Variants in ATP9B observed in about 807,000 individuals in gnomAD.
ATP9B encodes the protein probable phospholipid-transporting ATPase IIB.
ATP9B carries 110 observed loss-of-function variants against 146.1 expected under a neutral mutation model. The ratio of observed to expected loss-of-function variants is 0.75; its 90% CI spans 0.65 to 0.88. ATP9B has a LOEUF of 0.88. Ranked by LOEUF, ATP9B falls within the 40% of genes least tolerant of loss-of-function variation. The probability of loss-of-function intolerance (pLI) is 0.00; values close to 1 mark genes in which losing one functional copy is unlikely to be tolerated. For synonymous variants in ATP9B, 604 were observed against 569.7 expected, an observed-to-expected ratio of 1.06 and a Z score of -0.86; for missense variants, 1,499 against 1,496.4, an observed-to-expected ratio of 1.00 and a Z score of -0.03.
chr18:79,172,962 C>T (rs1051353511), intron 7 of ATP9B, among the ~76,000 whole-genome samples: 1 of 152,160 alleles, frequency 6.6e-6, no homozygotes, highest in Non-Finnish European at 1.5e-5. Context: ...AACTCTTTTC[C>T]AGAGTTACAG....
rs367871134 is a variant in ATP9B, at chr18:79,071,055, T to TC, written c.119+1526_119+1527insC. The stretch of plus-strand genomic sequence containing the variant: ...CTCATTCTGATTCCTGTTTCTTTTT[T>TC]TTTTTTTTTTTGCCACTTTTTGGGT... On this transcript the variant is annotated intron_variant, in intron 1 of 29. Transcript: ENST00000426216. Among the ~76,000 whole-genome samples, 612 of 150,080 alleles carry TC rather than the reference T, an allele frequency of 4.1e-3. 4 individuals are homozygous for TC. Among genetic ancestry groups the TC allele is most frequent in the South Asian group, 0.021 (98 of 4,742 alleles).
At chr18:79,114,464 A>G (rs2094030161) in intron 4 of ATP9B, among the ~76,000 whole-genome samples, 1 of 152,088 alleles carries the variant, frequency 6.6e-6, no homozygotes, top group Non-Finnish European at 1.5e-5. Flanking sequence ...CGTCTCCCTA[A>G]CCAGAGAACT....
intron 11 of ATP9B, among the ~76,000 whole-genome samples, chr18:79,249,907 T>G (rs187529358): frequency 6.6e-6 from 1 of 152,372 alleles, no homozygotes; most frequent in Admixed American, 6.5e-5. Context: ...TTACAAGTTA[T>G]ATTCCAGGAA....
intron 23 of ATP9B, among the ~76,000 whole-genome samples, chr18:79,346,144 A>T (rs1444739169): frequency 6.6e-6 from 1 of 150,388 alleles, no homozygotes; most frequent in Non-Finnish European, 1.5e-5. Flanking sequence ...CACAGTCAGC[A>T]CACACTCAGC....
At chr18:79,269,815 A>G (rs2096238429) in intron 12 of ATP9B, among the ~76,000 whole-genome samples, 1 of 152,214 alleles carries the variant, frequency 6.6e-6, no homozygotes, top group South Asian at 2.1e-4. Context: ...TGTTCAGGAA[A>G]TGTGAACCTG....
intron 5 of ATP9B, among the ~76,000 whole-genome samples, chr18:79,139,132 T>C (rs1355382578): frequency 6.6e-6 from 1 of 152,226 alleles, no homozygotes; most frequent in Non-Finnish European, 1.5e-5. Context: ...ATTTTTATCC[T>C]TAGTTGCTAG....
intron 6 of ATP9B, among the ~76,000 whole-genome samples, chr18:79,153,623 C>G (rs1236033974): frequency 6.6e-6 from 1 of 150,626 alleles, no homozygotes; most frequent in African/African-American, 2.5e-5. Context: ...ACAGAAATGG[C>G]AATATTTAAC....
At chr18:79,337,711 C>T (rs760243710) in intron 19 of ATP9B, among the ~76,000 whole-genome samples, 1 of 152,210 alleles carries the variant, frequency 6.6e-6, no homozygotes, top group Non-Finnish European at 1.5e-5. Flanking sequence ...AAAGAGGAGT[C>T]CTGGTCCCAG....
chr18:79,069,459 G>A lies in ATP9B; in HGVS notation c.49G>A (p.Ala17Thr). ...LYPVRSAAAA[A>T]ANRKRAAYYS... is the part of the protein sequence containing the mutation. ...CCCGGTGCGTAGCGCAGCGGCGGCC[G>A]CAGCCAACCGCAAACGCGCGGCCTA... The change falls in exon 1 of 30, where the codon GCA (alanine) becomes ACA (threonine). Residue 17 changes from alanine to threonine, a missense_variant. Transcript: ENST00000426216. 2.7e-6 allele frequency: 4 copies of A among 1,507,334 alleles called. No individual in the cohort carries two copies. Among genetic ancestry groups the A allele is most frequent in the East Asian group, 2.9e-5 (1 of 34,994 alleles). 93.4% of individuals were successfully genotyped at this position (1,507,334 alleles called of 1,614,324 possible).
intron 7 of ATP9B, among the ~76,000 whole-genome samples, chr18:79,168,931 T>G (rs1461200283): frequency 6.6e-6 from 1 of 152,070 alleles, no homozygotes; most frequent in African/African-American, 2.4e-5. Context: ...CCTGTCCTTC[T>G]CTCTTCTCCT....
Position 79,131,008 on chromosome 18 carries a change from A to C in ATP9B, c.667+4633A>C, listed in dbSNP as rs147354349. Among the ~76,000 whole-genome samples the C allele has an allele frequency of 6.4e-3, 973 of 152,274 alleles. 10 individuals are homozygous for C. The highest frequency in any genetic ancestry group is 0.022 in the African/African-American group (933 of 41,542). On this transcript the variant is annotated intron_variant, in intron 5 of 29. Transcript: ENST00000426216. ...AAACCCTGTCTCTACTAAAAATACA[A>C]AAATGAGCTGGGCATGGTGGCATGC...
chr18:79,310,681 C>G (rs1489133107), intron 15 of ATP9B, among the ~76,000 whole-genome samples: 1 of 152,174 alleles, frequency 6.6e-6, no homozygotes, highest in East Asian at 1.9e-4. Flanking sequence ...GAAGGCACTT[C>G]TCATGTCTGT....
rs748722890 is a variant in ATP9B at position 79,373,864 on chromosome 18, C to G, written c.3071-34C>G. 3.1e-6 allele frequency: 5 copies of G among 1,609,722 alleles called. No individual in the cohort carries two copies. In the South Asian group the frequency reaches 3.3e-5, roughly 11 times the overall value. Reference sequence around the variant, plus strand: ...TCCTCTAGCTGGCTTACACCCTGCTCGTGTGCATGGAAAAAGCTCCTGCTG... The same window carrying G: ...TCCTCTAGCTGGCTTACACCCTGCTGGTGTGCATGGAAAAAGCTCCTGCTG... On this transcript the variant is annotated intron_variant, in intron 27 of 29. Coordinates refer to ENST00000426216, the MANE Select transcript of ATP9B (RefSeq NM_198531.5).
At chr18:79,163,910 GGAGACA>G (rs1180886334) in intron 7 of ATP9B, among the ~76,000 whole-genome samples, 2 of 108,060 alleles carry the variant, frequency 1.9e-5, no homozygotes, top group African/African-American at 7.8e-5. Flanking sequence ...ACACACAGGG[GGAGACA>G]GAGACAGACA....
At chr18:79,371,627 G>A (rs1288412321) in intron 26 of ATP9B, among the ~76,000 whole-genome samples, 6 of 152,194 alleles carry the variant, frequency 3.9e-5, no homozygotes, top group Middle Eastern at 3.2e-3. Context: ...TCCAGCGTCC[G>A]TGCCTCTGTT....
intron 2 of ATP9B, 151 bp downstream of exon 2, chr18:79,096,800 C>T (rs1310616602): frequency 4.4e-6 from 3 of 687,972 alleles, no homozygotes; most frequent in Admixed American, 6.8e-5. Flanking sequence ...TAATCAAAGC[C>T]AAACAATGCT....
intron 12 of ATP9B, among the ~76,000 whole-genome samples, chr18:79,255,481 C>G (rs2096068727): frequency 6.6e-6 from 1 of 152,232 alleles, no homozygotes; most frequent in South Asian, 2.1e-4. Flanking sequence ...TGAATGAGCC[C>G]TAATCTCCAT....
At position 79,376,207 on chromosome 18, in the gene ATP9B, ACAC is replaced by A. The variant is rs1568876045; in HGVS notation, c.3307+782_3307+784del. On this transcript the variant is annotated intron_variant, in intron 29 of 29. Transcript: ENST00000426216. ...CACACACACACACACACACACACACACACACACAAAACAAAACAAAAAAATGGC... is the reference window on the plus strand; with the variant it reads ...CACACACACACACACACACACACACAACACAAAACAAAACAAAAAAATGGC... The A allele has an allele frequency of 9.0e-4, 871 of 969,304 alleles. 6 individuals are homozygous for A. The highest frequency in any genetic ancestry group is 2.7e-3 in the Middle Eastern group (5 of 1,882). 60.0% of individuals were successfully genotyped at this position (969,304 alleles called of 1,614,324 possible).
intron 13 of ATP9B, among the ~76,000 whole-genome samples, chr18:79,301,599 A>G (rs1568618053): frequency 1.3e-5 from 2 of 152,338 alleles, no homozygotes; most frequent in Non-Finnish European, 2.9e-5. Flanking sequence ...TGTTAATTCT[A>G]CTTATTTAAC....
Sources: gnomAD v4.1 joint callset for allele counts (sites outside exome capture counted in the v4.1 genomes callset) on GRCh38, gnomAD v4.1.1 for gene constraint, MANE v1.5 for transcripts, NCBI Gene and HGNC (gene_info 2026-07-23, HGNC 2026-07-21) for gene names.